The following EYS variants were observed in gnomAD, a reference collection of about 807,000 sequenced individuals.
The protein encoded by EYS is protein eyes shut homolog.
In EYS, 250 loss-of-function variants were observed where a neutral mutation model predicts 282.1. The ratio of observed to expected loss-of-function variants is 0.89; its 90% CI spans 0.80 to 0.98. EYS has a LOEUF of 0.98. Ranked by LOEUF, EYS falls within the 50% of genes least tolerant of loss-of-function variation. EYS has a pLI of 0.00. For synonymous variants in EYS, 1,355 were observed against 1,282.9 expected, an observed-to-expected ratio of 1.06 and a Z score of -1.20; for missense variants, 4,016 against 3,709.0, an observed-to-expected ratio of 1.08 and a Z score of -2.15.
At chr6:65,031,919 G>A (rs1413484531) in intron 13 of EYS, among the ~76,000 whole-genome samples, 2 of 151,614 alleles carry the variant, frequency 1.3e-5, no homozygotes, top group Admixed American at 6.6e-5. Context: ...TCATACAAAA[G>A]ATAAACAAAA....
chr6:65,196,672 G>T (rs1765773897), intron 12 of EYS, among the ~76,000 whole-genome samples: 1 of 152,080 alleles, frequency 6.6e-6, no homozygotes, highest in South Asian at 2.1e-4. Flanking sequence ...GATGTGCTGA[G>T]AAGTACTATA....
intron 2 of EYS, among the ~76,000 whole-genome samples, chr6:65,628,954 T>A (rs1562298216): frequency 6.6e-6 from 1 of 152,236 alleles, no homozygotes. Context: ...TTTAGGGGTG[T>A]GTAGGGTTGA....
intron 1 of EYS, among the ~76,000 whole-genome samples, chr6:65,688,165 C>T (rs1769101550): frequency 6.6e-6 from 1 of 152,140 alleles, no homozygotes; most frequent in South Asian, 2.1e-4. Flanking sequence ...AGGCATCACA[C>T]TACCTGACTT....
intron 26 of EYS, among the ~76,000 whole-genome samples, chr6:64,527,317 A>C (rs1002484625): frequency 1.3e-5 from 2 of 151,854 alleles, no homozygotes; most frequent in Non-Finnish European, 3.0e-5. Context: ...AGTAAAGCAA[A>C]ATGGAAGTTG....
At chr6:64,449,226 C>T (rs150889784) in intron 26 of EYS, among the ~76,000 whole-genome samples, 1,940 of 151,892 alleles carry the variant, frequency 0.013, 40 homozygotes, top group African/African-American at 0.044. Flanking sequence ...CCTCAGTAAC[C>T]AATGCAATCA....
intron 40 of EYS, among the ~76,000 whole-genome samples, chr6:63,767,068 A>G (rs1769807577): frequency 6.6e-6 from 1 of 152,084 alleles, no homozygotes; most frequent in Non-Finnish European, 1.5e-5. Context: ...TTAGGCATTG[A>G]AGGAACATAC....
intron 30 of EYS, among the ~76,000 whole-genome samples, chr6:64,259,978 G>A (rs1292973858): frequency 6.6e-6 from 1 of 151,796 alleles, no homozygotes; most frequent in Non-Finnish European, 1.5e-5. Flanking sequence ...TAAATAACAG[G>A]AATTCCTATA....
chr6:65,532,919 GTT>G (rs925926717), intron 2 of EYS, among the ~76,000 whole-genome samples: 10 of 151,994 alleles, frequency 6.6e-5, no homozygotes, highest in African/African-American at 1.2e-4. Context: ...AATGAAGTTT[GTT>G]TTAGGATCTT....
chr6:64,310,719 T>G (rs2150378148), intron 29 of EYS, among the ~76,000 whole-genome samples: 1 of 152,114 alleles, frequency 6.6e-6, no homozygotes, highest in African/African-American at 2.4e-5. Context: ...GCACATGTTC[T>G]CCTGAACTTA....
At chr6:64,412,909 A>G (rs935651573) in intron 28 of EYS, 1 of 152,172 alleles carries the variant, frequency 6.6e-6, no homozygotes, top group Non-Finnish European at 1.5e-5. Context: ...TTAAAAAAAA[A>G]TAGAGACAAA....
At chr6:64,834,763 A>G (rs1354034439) in intron 19 of EYS, among the ~76,000 whole-genome samples, 1 of 151,836 alleles carries the variant, frequency 6.6e-6, no homozygotes, top group African/African-American at 2.4e-5. Flanking sequence ...AGACCAGGTG[A>G]AATAAAATGT....
chr6:64,315,981 A>G (rs1407753755), intron 29 of EYS, among the ~76,000 whole-genome samples: 1 of 152,238 alleles, frequency 6.6e-6, no homozygotes, highest in African/African-American at 2.4e-5. Context: ...TGATTATCTC[A>G]ATAGATGCAG....
Position 65,510,422 on chromosome 6 carries a change from A to G in EYS, c.-332-14429T>C, listed in dbSNP as rs145504436. On this transcript the variant is annotated intron_variant, in intron 2 of 42. Transcript: ENST00000503581. ...TCTTAATCCAGTCTATCATTGATGG[A>G]CATTTGGGAAATTTTTCCAATAGGT... Among the ~76,000 whole-genome samples the G allele has an allele frequency of 6.9e-3, 1,055 of 152,144 alleles. 8 individuals are homozygous for G. Among genetic ancestry groups the G allele is most frequent in the Non-Finnish European group, 9.9e-3 (671 of 68,006 alleles).
chr6:65,358,842 A>G (rs1764593462), intron 8 of EYS, among the ~76,000 whole-genome samples: 1 of 152,036 alleles, frequency 6.6e-6, no homozygotes, highest in African/African-American at 2.4e-5. Flanking sequence ...TAAGTTGCTA[A>G]TAACAATATA....
At chr6:64,451,511 A>T (rs905433373) in intron 26 of EYS, among the ~76,000 whole-genome samples, 2 of 152,202 alleles carry the variant, frequency 1.3e-5, no homozygotes, top group Non-Finnish European at 2.9e-5. Flanking sequence ...TCATTTTATG[A>T]GGCCAGCATC....
At chr6:64,534,839 A>G (rs1375935290) in intron 26 of EYS, among the ~76,000 whole-genome samples, 1 of 152,106 alleles carries the variant, frequency 6.6e-6, no homozygotes, top group Admixed American at 6.6e-5. Flanking sequence ...GAATTAGCCA[A>G]TAATGAGCTA....
At chr6:65,131,277 T>G (rs902501704) in intron 12 of EYS, among the ~76,000 whole-genome samples, 2 of 151,942 alleles carry the variant, frequency 1.3e-5, no homozygotes, top group South Asian at 4.1e-4. Flanking sequence ...GAATATACAT[T>G]CTTCTTATTG....
intron 26 of EYS, among the ~76,000 whole-genome samples, chr6:64,441,220 C>T (rs1774933724): frequency 6.6e-6 from 1 of 152,088 alleles, no homozygotes; most frequent in Non-Finnish European, 1.5e-5. Flanking sequence ...TATTCATGTC[C>T]TAACTGAAGA....
At chr6:64,547,696 T>A (rs917473883) in intron 26 of EYS, among the ~76,000 whole-genome samples, 6 of 152,018 alleles carry the variant, frequency 3.9e-5, no homozygotes, top group African/African-American at 1.4e-4. Flanking sequence ...GCAGGTGGAG[T>A]TGCCTACCAG....
Sources: gnomAD v4.1 joint callset for allele counts (sites outside exome capture counted in the v4.1 genomes callset) on GRCh38, gnomAD v4.1.1 for gene constraint, MANE v1.5 for transcripts, NCBI Gene and HGNC (gene_info 2026-07-23, HGNC 2026-07-21) for gene names.